Variants in XPO4 observed in about 807,000 individuals in gnomAD.
XPO4 encodes exportin 4.
XPO4 carries 39 observed loss-of-function variants against 143.0 expected under a neutral mutation model. The ratio of observed to expected loss-of-function variants is 0.27; its 90% confidence interval spans 0.21 to 0.36. XPO4 has a LOEUF of 0.36. Among genes scored for constraint, XPO4 ranks in the 10% least tolerant of loss-of-function variants. XPO4 has a pLI of 1.00. For missense variants in XPO4, 907 were observed against 1,348.0 expected (o/e 0.67, Z 5.12); for synonymous variants, 439 against 474.0 (o/e 0.93, Z 0.96).
chr13:20,848,213 A>C (rs2138077080), intron 4 of XPO4: 1 of 974,674 alleles, frequency 1.0e-6, no homozygotes, highest in African/African-American at 1.7e-5. Context: ...AAACCAAATA[A>C]AATTTATTAA....
At chr13:20,854,280 C>G (rs1196927636) in intron 4 of XPO4, among the ~76,000 whole-genome samples, 1 of 152,096 alleles carries the variant, frequency 6.6e-6, no homozygotes, top group Non-Finnish European at 1.5e-5. Flanking sequence ...AGGCAGATGG[C>G]TGGGAGAGTG....
intron 3 of XPO4, among the ~76,000 whole-genome samples, chr13:20,858,236 A>G (rs985420725): frequency 6.6e-6 from 1 of 152,212 alleles, no homozygotes. Flanking sequence ...TACCAAAAAA[A>G]AAGTATAAAG....
At chr13:20,840,487 A>T (rs1309558051) in intron 6 of XPO4, among the ~76,000 whole-genome samples, 1 of 152,092 alleles carries the variant, frequency 6.6e-6, no homozygotes, top group Non-Finnish European at 1.5e-5. Flanking sequence ...GGATTACAAG[A>T]GTGAGCCACC....
At position 20,843,854 on chromosome 13, in the gene XPO4, T is replaced by C. The variant is rs137984051; in HGVS notation, c.489A>G (p.Leu163=). 1,338 of 1,613,308 alleles carry C rather than the reference T, an allele frequency of 8.3e-4. 19 individuals carry two copies. The African/African-American group carries it at 0.016, about 19-fold the overall frequency. Residue 163 remains leucine (L), a synonymous_variant, in exon 5 of 23, where the codon CTA becomes CTG. Coordinates refer to ENST00000255305, the MANE Select transcript of XPO4 (RefSeq NM_022459.5). ...QTLACSILTA[L]LSEFSSSSKT... ...TACTTGAACTTGAAAATTCACTCAA[T>C]AGCGCAGTCAGAATAGAACAGGCCA...
In XPO4 at chr13:20,790,582, T is replaced by A; in HGVS notation, c.2798-2A>T. 6.2e-7 allele frequency: 1 copy of A among 1,611,060 alleles called. No homozygotes were observed. Among genetic ancestry groups the A allele is most frequent in the Non-Finnish European group, 8.5e-7 (1 of 1,177,388 alleles). On this transcript the variant is annotated splice_acceptor_variant, in intron 18 of 22. Coordinates refer to ENST00000255305, the MANE Select transcript of XPO4 (RefSeq NM_022459.5). LOFTEE classifies it high-confidence loss of function. ...GCTCATGTCCTCTAAACACTTCATC[T>A]ATTAAAATAAAAGGATGCAGGCTTA...
chr13:20,884,401 A>AATCCGATCCG (rs200624471), intron 1 of XPO4, among the ~76,000 whole-genome samples: 2 of 151,824 alleles, frequency 1.3e-5, no homozygotes, highest in African/African-American at 4.8e-5. Flanking sequence ...AATATAATCC[A>AATCCGATCCG]ATCCGATCCG....
At chr13:20,882,768 A>C (rs2060424587) in intron 1 of XPO4, among the ~76,000 whole-genome samples, 1 of 151,866 alleles carries the variant, frequency 6.6e-6, no homozygotes, top group Non-Finnish European at 1.5e-5. Context: ...GGCACCTATA[A>C]TCCAACTACT....
At chr13:20,784,548 A>G (rs2059177158) in intron 22 of XPO4, among the ~76,000 whole-genome samples, 1 of 152,168 alleles carries the variant, frequency 6.6e-6, no homozygotes, top group African/African-American at 2.4e-5. Flanking sequence ...AATATGGGAA[A>G]TTTTCTGTTT....
intron 1 of XPO4, among the ~76,000 whole-genome samples, chr13:20,886,245 AATTG>A (rs1205841394): frequency 2.6e-5 from 4 of 152,140 alleles, no homozygotes; most frequent in African/African-American, 9.7e-5. Flanking sequence ...TTAAGTAAGA[AATTG>A]ATTTAACATA....
chr13:20,822,426 A>C (rs2059732272), intron 7 of XPO4, 137 bp from the exon 8 acceptor site: 1 of 747,954 alleles, frequency 1.3e-6, no homozygotes, highest in Non-Finnish European at 2.0e-6. Context: ...AATTAAACTA[A>C]ATTGAAAATT....
chr13:20,792,492 C>T (rs1005322679), intron 18 of XPO4, among the ~76,000 whole-genome samples: 1 of 152,040 alleles, frequency 6.6e-6, no homozygotes, highest in East Asian at 1.9e-4. Context: ...TCACTTGAAC[C>T]GAGGAGGCAG....
At chr13:20,882,964 C>A (rs2060427257) in intron 1 of XPO4, among the ~76,000 whole-genome samples, 1 of 152,076 alleles carries the variant, frequency 6.6e-6, no homozygotes. Context: ...CCCCGAGAGG[C>A]TGACCTCTAG....
chr13:20,865,134 C>G (rs2060233912), intron 2 of XPO4, among the ~76,000 whole-genome samples: 1 of 134,526 alleles, frequency 7.4e-6, no homozygotes, highest in Admixed American at 8.4e-5. Context: ...CACAATTCAT[C>G]TAGCATTTTT....
At chr13:20,891,824 C>T (rs1207187291) in intron 1 of XPO4, among the ~76,000 whole-genome samples, 4 of 149,080 alleles carry the variant, frequency 2.7e-5, no homozygotes, top group Admixed American at 6.7e-5. Context: ...CATCGCACCA[C>T]AGCACTCCAG....
chr13:20,830,288 AT>A (rs1183804001), intron 6 of XPO4, among the ~76,000 whole-genome samples: 1 of 152,178 alleles, frequency 6.6e-6, no homozygotes, highest in Non-Finnish European at 1.5e-5. Context: ...ACCTTTCCCC[AT>A]AATTATTACA....
chr13:20,838,961 T>C (rs1216173043), intron 6 of XPO4, among the ~76,000 whole-genome samples: 2 of 152,044 alleles, frequency 1.3e-5, no homozygotes, highest in Admixed American at 6.6e-5. Flanking sequence ...TTGAAAACAT[T>C]ATGCTAAGTG....
intron 6 of XPO4, among the ~76,000 whole-genome samples, chr13:20,832,044 A>G (rs1480360309): frequency 6.6e-6 from 1 of 152,082 alleles, no homozygotes; most frequent in African/African-American, 2.4e-5. Flanking sequence ...AATCCTATCT[A>G]GCTCTAAAAT....
At chr13:20,819,522 T>C (rs982872063) in intron 9 of XPO4, among the ~76,000 whole-genome samples, 1 of 152,066 alleles carries the variant, frequency 6.6e-6, no homozygotes, top group Non-Finnish European at 1.5e-5. Flanking sequence ...TAGCCGGGCG[T>C]GATGGCGCAT....
chr13:20,898,914 G>A (rs1460656078), intron 1 of XPO4, among the ~76,000 whole-genome samples: 1 of 152,068 alleles, frequency 6.6e-6, no homozygotes, highest in Non-Finnish European at 1.5e-5. Flanking sequence ...AGTAGCTTAC[G>A]CCTATAATTC....
Sources: allele counts gnomAD v4.1 joint callset (sites outside exome capture counted in the v4.1 genomes callset), GRCh38; gene constraint gnomAD v4.1.1; transcripts MANE v1.5; gene names NCBI Gene and HGNC (gene_info 2026-07-23, HGNC 2026-07-21).